The following PRKG1 variants were observed in gnomAD, a reference collection of about 807,000 sequenced individuals.
PRKG1 encodes the protein protein kinase cGMP-dependent 1.
PRKG1 carries 35 observed loss-of-function variants against 88.1 expected under a neutral mutation model. That is an observed-to-expected ratio of 0.40 (90% CI 0.30 to 0.53). The LOEUF (loss-of-function observed/expected upper bound fraction) is 0.53, where lower values mean the gene tolerates loss of function less well. Among genes scored for constraint, PRKG1 ranks in the 20% least tolerant of loss-of-function variants. The pLI is 0.59. For synonymous variants in PRKG1, 303 were observed against 292.5 expected (o/e 1.04, Z -0.37); for missense variants, 540 against 839.8 (o/e 0.64, Z 4.41).
chr10:51,643,044 T>C (rs1839837555), intron 3 of PRKG1, among the ~76,000 whole-genome samples: 1 of 152,198 alleles, frequency 6.6e-6, no homozygotes, highest in African/African-American at 2.4e-5. Context: ...GCCCCGGGAT[T>C]TCAGAGCTAC....
intron 3 of PRKG1, among the ~76,000 whole-genome samples, chr10:51,729,269 C>G (rs1425211815): frequency 1.3e-5 from 2 of 152,164 alleles, no homozygotes; most frequent in African/African-American, 4.8e-5. Context: ...CAAAGCTTGG[C>G]TAGAATAGCA....
At chr10:51,833,173 A>G (rs1840046220) in intron 4 of PRKG1, among the ~76,000 whole-genome samples, 1 of 152,196 alleles carries the variant, frequency 6.6e-6, no homozygotes, top group African/African-American at 2.4e-5. Flanking sequence ...TCATGCACTC[A>G]AAAGCAAGAA....
chr10:51,610,571 T>C (rs1838880368), intron 3 of PRKG1, among the ~76,000 whole-genome samples: 1 of 152,200 alleles, frequency 6.6e-6, no homozygotes, highest in South Asian at 2.1e-4. Flanking sequence ...TTCATATCTT[T>C]GCTATTGTTA....
intron 3 of PRKG1, among the ~76,000 whole-genome samples, chr10:51,505,367 G>T (rs905852730): frequency 2.8e-4 from 42 of 152,088 alleles, no homozygotes; most frequent in Non-Finnish European, 5.0e-4. Context: ...GCTGGATTTG[G>T]TTTGCCAATA....
At chr10:51,908,451 G>GTCT (rs1485876549) in intron 5 of PRKG1, 32 of 152,228 alleles carry the variant, frequency 2.1e-4, no homozygotes, top group African/African-American at 7.2e-4. Flanking sequence ...TATAAGTGCA[G>GTCT]CCAAGTAATG....
intron 3 of PRKG1, among the ~76,000 whole-genome samples, chr10:51,480,529 G>A (rs538584683): frequency 5.2e-4 from 78 of 151,448 alleles, no homozygotes; most frequent in African/African-American, 1.8e-3. Flanking sequence ...TAGAATGATG[G>A]TATTGTAGCT....
At chr10:51,354,464 A>G (rs967501101) in intron 2 of PRKG1, among the ~76,000 whole-genome samples, 36 of 152,160 alleles carry the variant, frequency 2.4e-4, no homozygotes, top group African/African-American at 8.2e-4. Flanking sequence ...AAATTATTAA[A>G]AAATAAAAAT....
chr10:51,470,850 C>T (rs1840030838), intron 3 of PRKG1, among the ~76,000 whole-genome samples: 1 of 151,798 alleles, frequency 6.6e-6, no homozygotes, highest in Admixed American at 6.6e-5. Flanking sequence ...TTGAAGCAAG[C>T]TCTTTGGTTT....
chr10:51,577,424 T>G (rs948130724), intron 3 of PRKG1, among the ~76,000 whole-genome samples: 1 of 152,054 alleles, frequency 6.6e-6, no homozygotes, highest in Non-Finnish European at 1.5e-5. Flanking sequence ...ATAATACTAA[T>G]GTTGTATAGT....
chr10:51,663,837 TTCAAGG>T (rs1410869742), intron 3 of PRKG1, among the ~76,000 whole-genome samples: 1 of 152,012 alleles, frequency 6.6e-6, no homozygotes, highest in African/African-American at 2.4e-5. Flanking sequence ...TTTTCTACTT[TTCAAGG>T]AAACATTGAA....
chr10:51,809,821 C>T (rs1458945299), intron 4 of PRKG1, among the ~76,000 whole-genome samples: 2 of 152,094 alleles, frequency 1.3e-5, no homozygotes, highest in African/African-American at 2.4e-5. Flanking sequence ...AGGAGAAAGC[C>T]TACCTAGTTC....
Position 51,177,570 on chromosome 10 carries a change from C to T in PRKG1, c.478+24240C>T, listed in dbSNP as rs570625322. Among the ~76,000 whole-genome samples, 109 of 152,212 alleles carry T rather than the reference C, an allele frequency of 7.2e-4. No individual in the cohort carries two copies. In the South Asian group the frequency reaches 0.01, roughly 14 times the overall value. ...CAGAAAACTTGACATTAATAACCAC[C>T]ACTAGTGTTTGCTGAATGAATGGTT... On this transcript the variant is annotated intron_variant, in intron 2 of 17. Transcript: ENST00000373980.
intron 2 of PRKG1, among the ~76,000 whole-genome samples, chr10:51,410,932 T>A (rs922681912): frequency 2.6e-5 from 4 of 151,994 alleles, no homozygotes; most frequent in Admixed American, 2.6e-4. Flanking sequence ...TTTTGGTAAA[T>A]CGGATGTACA....
At chr10:51,509,477 A>T (rs1051810255) in intron 3 of PRKG1, among the ~76,000 whole-genome samples, 7 of 152,240 alleles carry the variant, frequency 4.6e-5, no homozygotes, top group Non-Finnish European at 8.8e-5. Flanking sequence ...AAGGATAAAA[A>T]CAGGACAAAT....
intron 5 of PRKG1, among the ~76,000 whole-genome samples, chr10:51,939,119 A>ACTTCAG (rs1409303427): frequency 6.6e-6 from 1 of 151,974 alleles, no homozygotes; most frequent in Non-Finnish European, 1.5e-5. Context: ...TGTTTTGACC[A>ACTTCAG]CTTCAGCTAT....
intron 5 of PRKG1, among the ~76,000 whole-genome samples, chr10:51,991,725 G>T (rs1325505680): frequency 1.3e-5 from 2 of 152,104 alleles, no homozygotes; most frequent in African/African-American, 4.8e-5. Flanking sequence ...ATTTTTTATG[G>T]CTGCATAGTA....
intron 4 of PRKG1, among the ~76,000 whole-genome samples, chr10:51,893,596 A>G (rs1841773378): frequency 6.6e-6 from 1 of 152,162 alleles, no homozygotes. Context: ...TAGTCCTTCA[A>G]TCTGAATGTT....
intron 9 of PRKG1, among the ~76,000 whole-genome samples, chr10:52,246,914 GATTAGCTATT>G (rs1240010101): frequency 4.1e-5 from 6 of 147,646 alleles, no homozygotes; most frequent in Non-Finnish European, 7.4e-5. Flanking sequence ...CGCCTATAAG[GATTAGCTATT>G]GTCTGTGGTT....
At chr10:51,516,228 C>G (rs1056857721) in intron 3 of PRKG1, among the ~76,000 whole-genome samples, 1 of 152,126 alleles carries the variant, frequency 6.6e-6, no homozygotes, top group Non-Finnish European at 1.5e-5. Flanking sequence ...TCGCTCTCCC[C>G]TGAAGTCAAG....
Sources: gnomAD v4.1 joint callset for allele counts (sites outside exome capture counted in the v4.1 genomes callset) on GRCh38, gnomAD v4.1.1 for gene constraint, MANE v1.5 for transcripts, NCBI Gene and HGNC (gene_info 2026-07-23, HGNC 2026-07-21) for gene names.